QRSL1: variants seen among roughly 807,000 people sequenced by gnomAD.
QRSL1 encodes the protein glutaminyl-tRNA amidotransferase subunit QRSL1.
QRSL1 carries 54 observed loss-of-function variants against 61.6 expected under a neutral mutation model. The ratio of observed to expected loss-of-function variants is 0.88; its 90% confidence interval spans 0.70 to 1.10. The LOEUF is 1.10. Ranked by LOEUF, QRSL1 falls within the 50% of genes least tolerant of loss-of-function variation. QRSL1 has a pLI of 0.00. For synonymous variants in QRSL1, 228 were observed against 225.7 expected, an observed-to-expected ratio of 1.01 and a Z score of -0.09; for missense variants, 505 against 622.6, an observed-to-expected ratio of 0.81 and a Z score of 2.01.
At chr6:106,640,567 A>T in intron 2 of QRSL1, 59 bp downstream of exon 2, 1 of 1,389,338 alleles carries the variant, frequency 7.2e-7, no homozygotes, top group Non-Finnish European at 9.7e-7. Flanking sequence ...AATTGTTTGT[A>T]GCAGTCTCCA....
intron 2 of QRSL1, 127 bp from the exon 3 acceptor site, chr6:106,640,696 C>T: frequency 9.8e-7 from 1 of 1,017,338 alleles, no homozygotes; most frequent in Non-Finnish European, 1.5e-6. Flanking sequence ...GTATTAATTT[C>T]TGCCATAAAT....
At chr6:106,640,737 A>C in intron 2 of QRSL1, 86 bp from the exon 3 acceptor site, 1 of 1,220,418 alleles carries the variant, frequency 8.2e-7, no homozygotes, top group Non-Finnish European at 1.2e-6. Context: ...TTTGCCAAAA[A>C]CTAGTAGTTA....
rs1777435821 is a variant in QRSL1 at position 106,666,391 on chromosome 6, A to G, written c.*389A>G. The G allele has an allele frequency of 5.5e-6, 1 of 180,364 alleles. No homozygotes were observed. The highest frequency in any genetic ancestry group is 5.5e-5 in the Admixed American group (1 of 18,184). 11.2% of individuals were successfully genotyped at this position (180,364 alleles called of 1,614,324 possible). On this transcript the variant is annotated 3_prime_UTR_variant, in exon 11 of 11. Transcript: ENST00000369046. ...CTAGAGAGTCAAATGGTCTTGCTCA[A>G]TTCTTGTAATTAGGTTCTTGTTAAT...
intron 3 of QRSL1, among the ~76,000 whole-genome samples, chr6:106,642,125 C>T (rs561089477): frequency 1.3e-5 from 2 of 152,244 alleles, no homozygotes; most frequent in Admixed American, 6.5e-5. Context: ...GGTGCGATCT[C>T]GGGTCACTGC....
chr6:106,649,707 T>G (rs1040703974), intron 5 of QRSL1, among the ~76,000 whole-genome samples: 15 of 152,330 alleles, frequency 9.8e-5, no homozygotes, highest in Non-Finnish European at 1.3e-4. Context: ...CAATTAAAAA[T>G]GTACATCAGT....
chr6:106,663,132 A>G lies in QRSL1; in HGVS notation c.1313A>G (p.Asn438Ser), dbSNP rs776604238. ...VPYLEFIKED[N>S]RTRSAQDDIF... ...TACTTGGAGTTCATCAAAGAGGACA[A>G]CAGAACCCGAAGTGCCCAGGATGAT... Residue 438 changes from asparagine (N) to serine (S), a missense_variant, in exon 10 of 11, where the codon AAC becomes AGC. Coordinates refer to ENST00000369046, the MANE Select transcript of QRSL1 (RefSeq NM_018292.5). The G allele has an allele frequency of 8.1e-6, 13 of 1,614,222 alleles. No individual in the cohort carries two copies. Among genetic ancestry groups the G allele is most frequent in the Non-Finnish European group, 1.1e-5 (13 of 1,180,046 alleles).
intron 10 of QRSL1, among the ~76,000 whole-genome samples, chr6:106,664,202 G>T (rs982808747): frequency 6.6e-6 from 1 of 152,030 alleles, no homozygotes; most frequent in Non-Finnish European, 1.5e-5. Flanking sequence ...TATTACATTG[G>T]TTTATGGTAT....
At chr6:106,640,949 T>A (rs753719764) in intron 3 of QRSL1, 28 bp downstream of exon 3, 1 of 1,515,602 alleles carries the variant, frequency 6.6e-7, no homozygotes, top group Admixed American at 1.7e-5. Context: ...AGAGCATTGA[T>A]AATTTTATAA....
At chr6:106,652,952 C>A (rs188686171) in intron 7 of QRSL1, 74 of 503,160 alleles carry the variant, frequency 1.5e-4, no homozygotes, top group African/African-American at 1.2e-3. Flanking sequence ...AAAAGTGTGT[C>A]TCTGTTCCAA....
At chr6:106,629,845 T>A in intron 1 of QRSL1, 140 bp downstream of exon 1, 1 of 1,024,078 alleles carries the variant, frequency 9.8e-7, no homozygotes, top group Non-Finnish European at 1.4e-6. Flanking sequence ...ATAAGTACCT[T>A]TCGATTCTTC....
At chr6:106,660,332 C>A (rs189228239) in intron 9 of QRSL1, among the ~76,000 whole-genome samples, 1 of 138,408 alleles carries the variant, frequency 7.2e-6, no homozygotes, top group African/African-American at 2.7e-5. Context: ...CACTCCCCAC[C>A]CCCCCCGTGA....
At chr6:106,636,297 G>A (rs557271713) in intron 1 of QRSL1, among the ~76,000 whole-genome samples, 2 of 151,602 alleles carry the variant, frequency 1.3e-5, no homozygotes, top group African/African-American at 2.4e-5. Context: ...ATGAGTCCTC[G>A]GTTGAATCCC....
chr6:106,661,683 G>GTT (rs1777357596), intron 9 of QRSL1, among the ~76,000 whole-genome samples: 1 of 81,478 alleles, frequency 1.2e-5, no homozygotes, highest in African/African-American at 4.4e-5. Flanking sequence ...AGAATGGTTA[G>GTT]TTCTTTTTTT....
intron 4 of QRSL1, among the ~76,000 whole-genome samples, chr6:106,644,052 A>G (rs1448133006): frequency 2.0e-5 from 3 of 151,972 alleles, no homozygotes; most frequent in African/African-American, 4.8e-5. Flanking sequence ...TTGTATTTTT[A>G]GTAGAGATTG....
Position 106,629,583 on chromosome 6 carries a change from C to T in QRSL1, c.-99C>T. The T allele has an allele frequency of 7.0e-7, 1 of 1,437,024 alleles. No homozygotes were observed. 89.0% of individuals were successfully genotyped at this position (1,437,024 alleles called of 1,614,324 possible). On this transcript the variant is annotated 5_prime_UTR_variant, in exon 1 of 11. Coordinates refer to ENST00000369046, the MANE Select transcript of QRSL1 (RefSeq NM_018292.5). ...TACTCGGTGTTGAAGGGCTCAGTGA[C>T]AATTAAAGATGGCTGCGCCCATGTA...
chr6:106,652,338 G>T lies in QRSL1; in HGVS notation c.687G>T (p.Val229=). The T allele has an allele frequency of 1.2e-6, 2 of 1,614,136 alleles. No homozygotes were observed. The highest frequency in any genetic ancestry group is 1.1e-5 in the South Asian group (1 of 91,082). ...TTCCCCTGGTGAATTCGATGGATGTGCCAGGAATCTTAACCAGATGTGTGG... is the reference window on the plus strand; with the variant it reads ...TTCCCCTGGTGAATTCGATGGATGTTCCAGGAATCTTAACCAGATGTGTGG... The part of the protein sequence containing the change: ...GLIPLVNSMD[V]PGILTRCVDD... Residue 229 remains valine, a synonymous_variant, in exon 6 of 11, where the codon GTG becomes GTT. Coordinates refer to ENST00000369046, the MANE Select transcript of QRSL1 (RefSeq NM_018292.5).
intron 5 of QRSL1, among the ~76,000 whole-genome samples, chr6:106,650,998 A>G (rs1777181208): frequency 1.3e-5 from 2 of 152,306 alleles, no homozygotes; most frequent in Admixed American, 6.5e-5. Flanking sequence ...TTAAAAGTAC[A>G]GTTCAAAAGT....
At chr6:106,642,802 CA>C in intron 3 of QRSL1, 191 bp from the exon 4 acceptor site, 1 of 745,840 alleles carries the variant, frequency 1.3e-6, no homozygotes. Flanking sequence ...AGAAGGAAGC[CA>C]AAGAGAAAGG....
In QRSL1 at chr6:106,640,842, A is replaced by G; in HGVS notation, c.204A>G (p.Leu68=). 1.2e-6 allele frequency: 2 copies of G among 1,613,672 alleles called. No individual in the cohort carries two copies. The highest frequency in any genetic ancestry group is 1.7e-6 in the Non-Finnish European group (2 of 1,179,764). ...ATGCAGGACAGTCACTTGGGGATTT[A>G]GATGGAATTCCTATTGCAGTAAAAG... ...RYKNGQSLGD[L]DGIPIAVKDN... Residue 68 remains leucine (L), a synonymous_variant, in exon 3 of 11, where the codon TTA becomes TTG. Coordinates refer to ENST00000369046, the MANE Select transcript of QRSL1 (RefSeq NM_018292.5).
Sources: gnomAD v4.1 joint callset for allele counts (sites outside exome capture counted in the v4.1 genomes callset) on GRCh38, gnomAD v4.1.1 for gene constraint, MANE v1.5 for transcripts, NCBI Gene and HGNC (gene_info 2026-07-23, HGNC 2026-07-21) for gene names.